Variants in CADPS2 observed in about 807,000 individuals in gnomAD.
CADPS2 encodes the protein calcium dependent secretion activator 2, also known as calcium-dependent secretion activator 2.
Under a neutral mutation model 172.5 loss-of-function variants are expected in CADPS2, and 93 were observed. The observed-to-expected ratio is 0.54, with a 90% confidence interval of 0.46 to 0.64. CADPS2 has a LOEUF of 0.64. Among genes scored for constraint, CADPS2 ranks in the 30% least tolerant of loss-of-function variants. The pLI is 0.00. For synonymous variants in CADPS2, 546 were observed against 555.2 expected (o/e 0.98, Z 0.23); for missense variants, 1,420 against 1,565.9 (o/e 0.91, Z 1.57).
chr7:122,471,191 T>C (rs1025979861), intron 14 of CADPS2, among the ~76,000 whole-genome samples, 184 bp downstream of exon 14: 2 of 152,022 alleles, frequency 1.3e-5, no homozygotes, highest in African/African-American at 4.8e-5. Context: ...AAACATAAAG[T>C]GTAGCCCACC....
At chr7:122,378,105 T>A (rs916982) in intron 25 of CADPS2, among the ~76,000 whole-genome samples, 32 of 152,040 alleles carry the variant, frequency 2.1e-4, no homozygotes, top group African/African-American at 7.0e-4. Context: ...ATTACGAAAC[T>A]CTTCATTTAT....
At chr7:122,464,525 T>TA (rs1419485043) in intron 14 of CADPS2, among the ~76,000 whole-genome samples, 1 of 152,060 alleles carries the variant, frequency 6.6e-6, no homozygotes, top group African/African-American at 2.4e-5. Flanking sequence ...AACTAGAGTA[T>TA]AAAAAAATAA....
At chr7:122,776,830 G>C (rs1039244865) in intron 1 of CADPS2, among the ~76,000 whole-genome samples, 6 of 152,134 alleles carry the variant, frequency 3.9e-5, no homozygotes, top group African/African-American at 1.4e-4. Flanking sequence ...GAGACTGGTA[G>C]CACCTTGCAT....
Position 122,681,252 on chromosome 7 carries a change from C to G in CADPS2, c.454-17683G>C, listed in dbSNP as rs111971280. On this transcript the variant is annotated intron_variant, in intron 2 of 29. Coordinates refer to ENST00000449022, the MANE Select transcript of CADPS2 (RefSeq NM_017954.11). ...ATGTAATGAACCTGCACAATGTGCA[C>G]ATGTACCCTAAAACTTAAAGTATAA... is the stretch of plus-strand genomic sequence containing the variant. 11,227 of 752,208 alleles carry G rather than the reference C, an allele frequency of 0.015. 868 individuals carry two copies. The African/African-American group carries it at 0.17, about 11-fold the overall frequency. 46.6% of individuals were successfully genotyped at this position (752,208 alleles called of 1,614,324 possible).
intron 14 of CADPS2, among the ~76,000 whole-genome samples, chr7:122,461,648 G>A (rs2054451752): frequency 6.6e-6 from 1 of 152,094 alleles, no homozygotes; most frequent in Admixed American, 6.5e-5. Flanking sequence ...AGGCTGGAGT[G>A]TAGTGGCGCC....
chr7:122,330,673 C>G (rs544558227), intron 28 of CADPS2: 8 of 152,284 alleles, frequency 5.3e-5, no homozygotes, highest in African/African-American at 1.9e-4. Flanking sequence ...TTTAAAAATA[C>G]AGGAAGTGTT....
intron 7 of CADPS2, among the ~76,000 whole-genome samples, chr7:122,571,736 T>C (rs1176543927): frequency 6.6e-6 from 1 of 152,160 alleles, no homozygotes; most frequent in African/African-American, 2.4e-5. Flanking sequence ...GATATGATTA[T>C]AAAGTCTCAT....
intron 1 of CADPS2, among the ~76,000 whole-genome samples, chr7:122,845,318 T>G (rs941883721): frequency 6.6e-6 from 1 of 152,148 alleles, no homozygotes; most frequent in East Asian, 1.9e-4. Flanking sequence ...CAAAGCAGCT[T>G]CTTGCCTAGC....
At position 122,810,638 on chromosome 7, in the gene CADPS2, T is replaced by G. The variant is rs149346974; in HGVS notation, c.340-73570A>C. ...AATATAACCATTTATTCGCAGGATT[T>G]TATCTATATTGTTAGATAGGTCTGG... On this transcript the variant is annotated intron_variant, in intron 1 of 29. Coordinates refer to ENST00000449022, the MANE Select transcript of CADPS2 (RefSeq NM_017954.11). Among the ~76,000 whole-genome samples the G allele has an allele frequency of 6.6e-5, 10 of 152,332 alleles. No individual in the cohort carries two copies. The East Asian group carries it at 1.7e-3, about 26-fold the overall frequency.
intron 1 of CADPS2, among the ~76,000 whole-genome samples, chr7:122,791,073 G>T (rs532798058): frequency 6.6e-6 from 1 of 152,132 alleles, no homozygotes; most frequent in African/African-American, 2.4e-5. Flanking sequence ...GTTCTTAAAC[G>T]TTGTGGGCCA....
chr7:122,431,056 G>A (rs528196172), intron 17 of CADPS2, among the ~76,000 whole-genome samples: 181 of 152,282 alleles, frequency 1.2e-3, no homozygotes, highest in African/African-American at 4.0e-3. Flanking sequence ...TCTTCCTGCC[G>A]TGATAAGAGC....
intron 2 of CADPS2, chr7:122,698,909 GTAGATGCATCTCTCTCTTCTCCGAGTGAC>G: frequency 1.3e-6 from 2 of 1,581,636 alleles, no homozygotes; most frequent in South Asian, 2.4e-5. Context: ...CCAACCTTGA[GTAGATGCATCTCTCTCTTCTCCGAGTGAC>G]TTAAGAACCA....
chr7:122,490,303 A>T, intron 10 of CADPS2, 22 bp from the exon 11 acceptor site: 1 of 1,604,590 alleles, frequency 6.2e-7, no homozygotes, highest in Non-Finnish European at 8.5e-7. Context: ...ACAAAAAGAC[A>T]TCATTAAAAA....
At chr7:122,440,003 G>A (rs939414292) in intron 16 of CADPS2, among the ~76,000 whole-genome samples, 10 of 152,134 alleles carry the variant, frequency 6.6e-5, no homozygotes, top group Admixed American at 2.0e-4. Context: ...CAAAAAGGGA[G>A]ATGCCAACCT....
intron 2 of CADPS2, among the ~76,000 whole-genome samples, chr7:122,718,699 C>T (rs1382139836): frequency 6.6e-6 from 1 of 152,082 alleles, no homozygotes; most frequent in Non-Finnish European, 1.5e-5. Flanking sequence ...AGCATTACAA[C>T]ACAACACTTA....
chr7:122,580,635 G>A (rs914030501), intron 7 of CADPS2, among the ~76,000 whole-genome samples: 1 of 151,964 alleles, frequency 6.6e-6, no homozygotes, highest in African/African-American at 2.4e-5. Flanking sequence ...GGGATTAGAA[G>A]GTAAACATAT....
intron 1 of CADPS2, among the ~76,000 whole-genome samples, chr7:122,812,200 A>T (rs1800163173): frequency 6.6e-6 from 1 of 152,146 alleles, no homozygotes; most frequent in African/African-American, 2.4e-5. Context: ...GTTGGTAAAG[A>T]ACTGTTCTAA....
chr7:122,678,039 T>C (rs1564038477), intron 2 of CADPS2, among the ~76,000 whole-genome samples: 1 of 152,236 alleles, frequency 6.6e-6, no homozygotes, highest in Non-Finnish European at 1.5e-5. Context: ...ACTGCATCTT[T>C]GAAATCTCTG....
At chr7:122,750,927 C>A (rs2092927294) in intron 1 of CADPS2, among the ~76,000 whole-genome samples, 1 of 152,180 alleles carries the variant, frequency 6.6e-6, no homozygotes. Context: ...CTGAGGAGAG[C>A]TCAGTGAGTA....
Sources: allele counts gnomAD v4.1 joint callset (sites outside exome capture counted in the v4.1 genomes callset), GRCh38; gene constraint gnomAD v4.1.1; transcripts MANE v1.5; gene names NCBI Gene and HGNC (gene_info 2026-07-23, HGNC 2026-07-21).